The following BPIFB4 variants were observed in gnomAD, a reference collection of about 807,000 sequenced individuals.
BPIFB4 encodes BPI fold-containing family B member 4.
A neutral mutation model predicts 69.2 loss-of-function variants in BPIFB4; 62 were observed. The ratio of observed to expected loss-of-function variants is 0.90; its 90% CI spans 0.73 to 1.11. The LOEUF (loss-of-function observed/expected upper bound fraction) is 1.11. BPIFB4 is among the 50% of genes least tolerant of loss of function. The pLI is 0.00. For synonymous variants in BPIFB4, 330 were observed against 332.7 expected, an observed-to-expected ratio of 0.99 and a Z score of 0.09; for missense variants, 789 against 792.0, an observed-to-expected ratio of 1.00 and a Z score of 0.04.
intron 10 of BPIFB4, 63 bp from the exon 11 acceptor site, chr20:33,092,395 C>T: frequency 6.9e-7 from 1 of 1,458,852 alleles, no homozygotes; most frequent in South Asian, 1.2e-5. Context: ...CTCACTCCAG[C>T]CTTCAGTCCC....
At chr20:33,093,461 A>G (rs924330683) in intron 11 of BPIFB4, among the ~76,000 whole-genome samples, 1 of 148,558 alleles carries the variant, frequency 6.7e-6, no homozygotes, top group Non-Finnish European at 1.5e-5. Context: ...CTATCCATCC[A>G]TCTGTTTATC....
chr20:33,080,063 G>A (rs1486613962), intron 1 of BPIFB4, among the ~76,000 whole-genome samples: 1 of 152,220 alleles, frequency 6.6e-6, no homozygotes, highest in Non-Finnish European at 1.5e-5. Flanking sequence ...CAGCTCTCTG[G>A]AAAGTGAGGT....
At chr20:33,096,847 T>C (rs904542886) in intron 12 of BPIFB4, among the ~76,000 whole-genome samples, 6 of 152,238 alleles carry the variant, frequency 3.9e-5, no homozygotes, top group African/African-American at 1.4e-4. Context: ...GAAAGTAATA[T>C]TGTGGTTTTG....
At position 33,111,527 on chromosome 20, in the gene BPIFB4, C is replaced by T; in HGVS notation, c.*90C>T. On this transcript the variant is annotated 3_prime_UTR_variant, in exon 18 of 18. Coordinates refer to ENST00000375483, the MANE Select transcript of BPIFB4 (RefSeq NM_182519.3). ...CTGGAAACAGTCCCCTGCCCAGAGT[C>T]CCCTCAGCCTCCATGACAGGTCCCT... 1 of 1,521,334 alleles carries T rather than the reference C, an allele frequency of 6.6e-7. No homozygotes were observed. The highest frequency in any genetic ancestry group is 9.1e-7 in the Non-Finnish European group (1 of 1,104,280). 94.2% of individuals were successfully genotyped at this position (1,521,334 alleles called of 1,614,324 possible).
intron 16 of BPIFB4, among the ~76,000 whole-genome samples, chr20:33,106,072 T>C (rs908485893): frequency 1.3e-5 from 2 of 152,184 alleles, no homozygotes; most frequent in African/African-American, 2.4e-5. Flanking sequence ...AGATTCACAA[T>C]GTCCTTAGCT....
At chr20:33,082,803 T>C (rs929447534) in intron 3 of BPIFB4, 135 bp from the exon 4 acceptor site, 4 of 835,468 alleles carry the variant, frequency 4.8e-6, no homozygotes, top group Non-Finnish European at 8.0e-6. Flanking sequence ...GGAGAAGTCA[T>C]CCCGTTCAGC....
At chr20:33,089,735 C>CA (rs1028659901) in intron 9 of BPIFB4, among the ~76,000 whole-genome samples, 177 bp downstream of exon 9, 8 of 152,134 alleles carry the variant, frequency 5.3e-5, no homozygotes, top group South Asian at 4.1e-4. Context: ...AAACACCCCC[C>CA]CCGAGTACCA....
At chr20:33,097,533 T>C in intron 12 of BPIFB4, 84 bp from the exon 13 acceptor site, 1 of 1,402,214 alleles carries the variant, frequency 7.1e-7, no homozygotes, top group Non-Finnish European at 9.8e-7. Flanking sequence ...ACCCCGGTGC[T>C]CTGTGTTTAG....
chr20:33,100,908 A>G (rs1003587673), intron 14 of BPIFB4, among the ~76,000 whole-genome samples: 2 of 106,404 alleles, frequency 1.9e-5, no homozygotes, highest in Non-Finnish European at 4.4e-5. Flanking sequence ...AGAAAAAATT[A>G]GCCGGGCTTG....
chr20:33,091,636 T>C (rs896642844), intron 10 of BPIFB4, among the ~76,000 whole-genome samples: 1 of 152,260 alleles, frequency 6.6e-6, no homozygotes, highest in African/African-American at 2.4e-5. Flanking sequence ...TTCATAAACA[T>C]ACATCTGTTG....
chr20:33,081,208 C>A (rs1981218413), intron 2 of BPIFB4, among the ~76,000 whole-genome samples: 1 of 152,186 alleles, frequency 6.6e-6, no homozygotes, highest in Non-Finnish European at 1.5e-5. Context: ...GTTGGAATCC[C>A]TATTACCCAT....
Position 33,084,844 on chromosome 20 carries a change from G to A in BPIFB4, c.678-48G>A, listed in dbSNP as rs912831674. The stretch of plus-strand genomic sequence containing the variant: ...TAGGGGAGGGCGCTCGGGTGAGTGG[G>A]TGGTAGTTGGGGTGGCCGGCCTTCT... On this transcript the variant is annotated intron_variant, in intron 5 of 17. Transcript: ENST00000375483. 8 of 1,587,934 alleles carry A rather than the reference G, an allele frequency of 5.0e-6. No homozygotes were observed. In the Admixed American group the frequency reaches 8.5e-5, roughly 17 times the overall value.
At chr20:33,103,071 G>T in intron 15 of BPIFB4, 57 bp downstream of exon 15, 2 of 1,567,792 alleles carry the variant, frequency 1.3e-6, no homozygotes, top group Non-Finnish European at 1.8e-6. Flanking sequence ...CCCAGGACGT[G>T]TCTTCCGGGA....
At chr20:33,079,880 G>T (rs921137533) in intron 1 of BPIFB4, among the ~76,000 whole-genome samples, 177 bp downstream of exon 1, 1 of 152,228 alleles carries the variant, frequency 6.6e-6, no homozygotes, top group African/African-American at 2.4e-5. Context: ...CAGCAAAAAG[G>T]CCTGGGTTAT....
At chr20:33,100,033 A>G (rs996500353) in intron 13 of BPIFB4, among the ~76,000 whole-genome samples, 3 of 152,036 alleles carry the variant, frequency 2.0e-5, no homozygotes, top group African/African-American at 7.2e-5. Flanking sequence ...AGTGAGTTTC[A>G]TAGGCTACGA....
rs139770462 is a variant in BPIFB4 at position 33,086,163 on chromosome 20, G to A, written c.925G>A (p.Gly309Arg). 102 of 1,604,944 alleles carry A rather than the reference G, an allele frequency of 6.4e-5. No homozygotes were observed. In the African/African-American group the frequency reaches 1.2e-3, roughly 20 times the overall value. The change falls in exon 7 of 18, where the codon GGG becomes AGG. Residue 309 changes from glycine (G) to arginine (R), a missense_variant and splice_region_variant. Coordinates refer to ENST00000375483, the MANE Select transcript of BPIFB4 (RefSeq NM_182519.3). ...GGGCATCAAAGTCAAGCTGCTGCGA[G>A]GGTGAGTGCTAGCCGGCAGTGGAGT... ...LGGIKVKLLR[G>R]LLPNLVDNLV...
At chr20:33,096,242 C>T (rs1315240575) in intron 12 of BPIFB4, among the ~76,000 whole-genome samples, 3 of 152,172 alleles carry the variant, frequency 2.0e-5, no homozygotes, top group African/African-American at 4.8e-5. Context: ...GTGCACTGCA[C>T]TTTACAGCTT....
intron 17 of BPIFB4, among the ~76,000 whole-genome samples, chr20:33,108,449 A>ATATATATATATAG (rs1323233475): frequency 2.0e-5 from 3 of 149,444 alleles, no homozygotes; most frequent in Admixed American, 6.7e-5. Context: ...ACATATATAC[A>ATATATATATATAG]ATCCAGCAAT....
At chr20:33,082,766 G>A (rs1212327634) in intron 3 of BPIFB4, among the ~76,000 whole-genome samples, 172 bp from the exon 4 acceptor site, 2 of 152,158 alleles carry the variant, frequency 1.3e-5, no homozygotes, top group African/African-American at 4.8e-5. Context: ...AAATGAGCTG[G>A]CCAGGATGCC....
Sources: gnomAD v4.1 joint callset for allele counts (sites outside exome capture counted in the v4.1 genomes callset) on GRCh38, gnomAD v4.1.1 for gene constraint, MANE v1.5 for transcripts, NCBI Gene and HGNC (gene_info 2026-07-23, HGNC 2026-07-21) for gene names.